The following SLC34A1 variants were observed in gnomAD, a reference collection of about 807,000 sequenced individuals.
SLC34A1 encodes solute carrier family 34 member 1.
Under a neutral mutation model 51.4 loss-of-function variants are expected in SLC34A1, and 57 were observed. That is an observed-to-expected ratio of 1.11 (90% confidence interval 0.90 to 1.38). The LOEUF (loss-of-function observed/expected upper bound fraction) is 1.38. Ranked by LOEUF, SLC34A1 falls within the 40% of genes most tolerant of loss-of-function variation. The pLI, the probability that SLC34A1 is intolerant of heterozygous loss-of-function variation, is 0.00. For synonymous variants in SLC34A1, 368 were observed against 358.0 expected (o/e 1.03, Z -0.32); for missense variants, 796 against 835.6 (o/e 0.95, Z 0.58).
Position 177,398,358 on chromosome 5 carries a change from T to C in SLC34A1, c.*72T>C. ...AAAGGCAGGGGAGGGAGGGTGTGTG[T>C]AGGTATGTGCATGTGCCTGTGCCAC... On this transcript the variant is annotated 3_prime_UTR_variant, in exon 13 of 13. Transcript: ENST00000324417. This position sits in a 1 kb window ranked among gnomAD's most constrained non-coding sequence, Gnocchi z 4.7. The C allele has an allele frequency of 1.3e-6, 2 of 1,565,458 alleles. No individual in the cohort carries two copies. Among genetic ancestry groups the C allele is most frequent in the Middle Eastern group, 2.1e-4 (1 of 4,666 alleles).
rs1762555206 is a variant in SLC34A1 at position 177,386,065 on chromosome 5, CCT to C, written c.189_190del (p.Cys64TrpfsTer8). The C allele has an allele frequency of 6.2e-7, 1 of 1,611,486 alleles. No homozygotes were observed. The highest frequency in any genetic ancestry group is 1.3e-5 in the African/African-American group (1 of 74,886). ...GTGGCCCTTGCTGAGCACACCTGCCCCTGTGGGGAGGTCCTGGAGCGCCATGA... is the reference window on the plus strand; with the variant it reads ...GTGGCCCTTGCTGAGCACACCTGCCCGTGGGGAGGTCCTGGAGCGCCATGA... On this transcript the variant is annotated frameshift_variant, in exon 3 of 13. Transcript: ENST00000324417. LOFTEE classifies it high-confidence loss of function. The surrounding 1 kb of genome is among the most constrained non-coding windows in gnomAD (Gnocchi z 4.8).
intron 10 of SLC34A1, 150 bp downstream of exon 10, chr5:177,394,345 T>C (rs1581645912): frequency 1.1e-6 from 1 of 875,112 alleles, no homozygotes; most frequent in Non-Finnish European, 1.8e-6. Flanking sequence ...CTGAGGCCAC[T>C]GAGGTACTGA....
chr5:177,387,885 T>C lies in SLC34A1; in HGVS notation c.644+12T>C, dbSNP rs760111630. On this transcript the variant is annotated intron_variant, in intron 6 of 12. Transcript: ENST00000324417. ...ACTGACTTCCGGCGGTGAGGGGGGC[T>C]GGGGGTTGGGGGCTCGTGCCTGGGG... 8.4e-6 allele frequency: 3 copies of C among 356,908 alleles called. No individual in the cohort carries two copies. The highest frequency in any genetic ancestry group is 1.2e-4 in the Admixed American group (2 of 16,932). 22.1% of individuals were successfully genotyped at this position (356,908 alleles called of 1,614,324 possible).
chr5:177,391,870 T>C (rs1182560851), intron 8 of SLC34A1, among the ~76,000 whole-genome samples: 4 of 152,224 alleles, frequency 2.6e-5, no homozygotes, highest in Admixed American at 6.5e-5. Context: ...TGGCATGGCT[T>C]ACCCAGGGTG....
Position 177,398,152 on chromosome 5 carries a change from G to A in SLC34A1, c.1786G>A (p.Ala596Thr), listed in dbSNP as rs1763033853. The change falls in exon 13 of 13, where the codon GCC becomes ACC. Residue 596 changes from alanine to threonine, a missense_variant. Physicochemically the swap from Ala to Thr is moderately conservative, Grantham distance 58. Transcript: ENST00000324417. The surrounding 1 kb of genome is among the most constrained non-coding windows in gnomAD (Gnocchi z 4.7). ...LKPLDHLITR[A>T]TLCCARPEPR... ...GCCCCTGGACCACCTCATCACCCGC[G>A]CCACCCTATGCTGTGCCAGGCCTGA... The A allele has an allele frequency of 5.0e-6, 8 of 1,611,566 alleles. No individual in the cohort carries two copies. Among genetic ancestry groups the A allele is most frequent in the East Asian group, 4.5e-5 (2 of 44,848 alleles).
chr5:177,390,094 C>T (rs1762751270), intron 8 of SLC34A1: 8 of 1,110,348 alleles, frequency 7.2e-6, no homozygotes, highest in East Asian at 6.4e-5. Flanking sequence ...TGCCCAAAGA[C>T]GGGCCACAGA....
chr5:177,385,411 T>TCAC (rs1411240069), intron 1 of SLC34A1, among the ~76,000 whole-genome samples: 1 of 152,002 alleles, frequency 6.6e-6, no homozygotes, highest in African/African-American at 2.4e-5. Flanking sequence ...AATGATCACC[T>TCAC]CACCACCACC....
Position 177,398,048 on chromosome 5 carries a change from T to C in SLC34A1, c.1682T>C (p.Leu561Pro), listed in dbSNP as rs368588109. The C allele has an allele frequency of 1.2e-6, 2 of 1,613,980 alleles. No homozygotes were observed. The highest frequency in any genetic ancestry group is 1.7e-5 in the Admixed American group (1 of 60,004). ...GCCTTCGTGGTGCTCATCAATGTCC[T>C]GCAGAGTCGGAGTCCCGGGCACCTG... ...LLAFVVLINV[L>P]QSRSPGHLPK... The change falls in exon 13 of 13, where the codon CTG (leucine) becomes CCG (proline). Residue 561 changes from leucine to proline, a missense_variant. Coordinates refer to ENST00000324417, the MANE Select transcript of SLC34A1 (RefSeq NM_003052.5). The surrounding 1 kb of genome is among the most constrained non-coding windows in gnomAD (Gnocchi z 4.7).
Position 177,397,763 on chromosome 5 carries a change from CT to C in SLC34A1, c.1417-19del. On this transcript the variant is annotated intron_variant, in intron 12 of 12. Coordinates refer to ENST00000324417, the MANE Select transcript of SLC34A1 (RefSeq NM_003052.5). ...TGGGAGCCAGTGCCCATCTCAGCCC[CT>C]CTGCCTCATCCCCTGCAGATTGCCC... is the stretch of plus-strand genomic sequence containing the variant. The C allele has an allele frequency of 1.2e-6, 2 of 1,604,852 alleles. No homozygotes were observed. Among genetic ancestry groups the C allele is most frequent in the Non-Finnish European group, 8.5e-7 (1 of 1,179,862 alleles).
intron 8 of SLC34A1, chr5:177,390,604 T>C (rs1482065955): frequency 6.4e-6 from 1 of 157,040 alleles, no homozygotes; most frequent in African/African-American, 2.4e-5. Context: ...GGCCACCAGG[T>C]GACCATAGCC....
intron 8 of SLC34A1, chr5:177,389,853 C>T: frequency 6.8e-7 from 1 of 1,472,432 alleles, no homozygotes; most frequent in South Asian, 1.3e-5. Flanking sequence ...TCTACGGCTG[C>T]AGCTGACACT....
chr5:177,388,041 T>C lies in SLC34A1; in HGVS notation c.692T>C (p.Val231Ala). The C allele has an allele frequency of 6.2e-7, 1 of 1,614,040 alleles. No homozygotes were observed. Among genetic ancestry groups the C allele is most frequent in the Non-Finnish European group, 8.5e-7 (1 of 1,179,990 alleles). The change falls in exon 7 of 13, where the codon GTG becomes GCG. Residue 231 changes from valine to alanine, a missense_variant. Coordinates refer to ENST00000324417, the MANE Select transcript of SLC34A1 (RefSeq NM_003052.5). The surrounding 1 kb of genome is among the most constrained non-coding windows in gnomAD (Gnocchi z 4.3). ...CATGACTGCTTTAACTGGCTGTCAG[T>C]GCTGGTCCTGCTGCCCCTGGAGGCT... ...TVHDCFNWLS[V>A]LVLLPLEAAT...
In SLC34A1 at chr5:177,398,058, G is replaced by C. The variant is rs1301641925; in HGVS notation, c.1692G>C (p.Arg564=). The C allele has an allele frequency of 1.2e-6, 2 of 1,613,976 alleles. No individual in the cohort carries two copies. The highest frequency in any genetic ancestry group is 2.2e-5 in the East Asian group (1 of 44,886). Residue 564 remains arginine (R), a synonymous_variant, in exon 13 of 13, where the codon CGG becomes CGC. Coordinates refer to ENST00000324417, the MANE Select transcript of SLC34A1 (RefSeq NM_003052.5). The surrounding 1 kb of genome is among the most constrained non-coding windows in gnomAD (Gnocchi z 4.7). ...FVVLINVLQS[R]SPGHLPKWLQ... The stretch of plus-strand genomic sequence containing the variant: ...TGCTCATCAATGTCCTGCAGAGTCG[G>C]AGTCCCGGGCACCTGCCCAAGTGGT...
Position 177,386,717 on chromosome 5 carries a change from G to C in SLC34A1, c.532+151G>C. 1.1e-6 allele frequency: 1 copy of C among 912,532 alleles called. No homozygotes were observed. The highest frequency in any genetic ancestry group is 1.4e-5 in the South Asian group (1 of 69,448). 56.5% of individuals were successfully genotyped at this position (912,532 alleles called of 1,614,324 possible). ...GGGACATGAGAGGAGCCCAACTGTA[G>C]CTGTATGTGACCCAGATGATTTATG... On this transcript the variant is annotated intron_variant, in intron 5 of 12. Transcript: ENST00000324417. This position sits in a 1 kb window ranked among gnomAD's most constrained non-coding sequence, Gnocchi z 4.8.
At chr5:177,389,984 C>T (rs1762747160) in intron 8 of SLC34A1, 1 of 1,371,920 alleles carries the variant, frequency 7.3e-7, no homozygotes, top group South Asian at 1.6e-5. Flanking sequence ...CAAGCTCTCA[C>T]TTTCATCCCC....
intron 8 of SLC34A1, among the ~76,000 whole-genome samples, chr5:177,391,931 C>T (rs1762818100): frequency 6.6e-6 from 1 of 152,226 alleles, no homozygotes; most frequent in Non-Finnish European, 1.5e-5. Flanking sequence ...CAGCAAACAC[C>T]TGGCTCTCTC....
chr5:177,389,806 C>T, intron 8 of SLC34A1: 1 of 1,529,144 alleles, frequency 6.5e-7, no homozygotes, highest in South Asian at 1.2e-5. Context: ...TCATCCTCAC[C>T]CAGGTTCACT....
At chr5:177,387,702 T>G in intron 5 of SLC34A1, 60 bp from the exon 6 acceptor site, 5 of 1,378,428 alleles carry the variant, frequency 3.6e-6, no homozygotes, top group Non-Finnish European at 5.2e-6. Context: ...TGACAGGAGT[T>G]GTGGTGGTGC....
rs916929285 is a variant in SLC34A1 at position 177,396,649 on chromosome 5, C to T, written c.1175-84C>T. 2.5e-5 allele frequency: 28 copies of T among 1,132,170 alleles called. No individual in the cohort carries two copies. Among genetic ancestry groups the T allele is most frequent in the Admixed American group, 1.4e-4 (8 of 59,038 alleles). The allele number at this position is 1,132,170 out of a possible 1,614,324, so 70.1% of individuals were successfully genotyped here. A position where few individuals can be genotyped will look rare whatever the true frequency, so the allele number is the denominator to read the frequency against. On this transcript the variant is annotated intron_variant, in intron 10 of 12. Coordinates refer to ENST00000324417, the MANE Select transcript of SLC34A1 (RefSeq NM_003052.5). The surrounding 1 kb of genome is among the most constrained non-coding windows in gnomAD (Gnocchi z 4.0). ...CTCTCCCAGTGCCCCCGCGGAGGTC[C>T]GCTCTCCCAGTGCCCCCGCGGAGGT...
Sources: allele counts gnomAD v4.1 joint callset (sites outside exome capture counted in the v4.1 genomes callset), GRCh38; gene constraint gnomAD v4.1.1; non-coding constraint Gnocchi (gnomAD v3.1); transcripts MANE v1.5; gene names NCBI Gene and HGNC (gene_info 2026-07-23, HGNC 2026-07-21).